Variants in SEMA3A observed in about 807,000 individuals in gnomAD.
The protein encoded by SEMA3A is semaphorin-3A.
SEMA3A carries 29 observed loss-of-function variants against 97.9 expected under a neutral mutation model. The ratio of observed to expected loss-of-function variants is 0.30; its 90% confidence interval spans 0.22 to 0.40. The LOEUF (loss-of-function observed/expected upper bound fraction) is 0.40. Ranked by LOEUF, SEMA3A falls within the 10% of genes least tolerant of loss-of-function variation. The pLI is 1.00. For synonymous variants in SEMA3A, 321 were observed against 323.7 expected (o/e 0.99, Z 0.09); for missense variants, 763 against 951.3 (o/e 0.80, Z 2.60).
chr7:84,031,651 T>A (rs1791761097), intron 6 of SEMA3A, among the ~76,000 whole-genome samples: 1 of 151,816 alleles, frequency 6.6e-6, no homozygotes, highest in African/African-American at 2.4e-5. Context: ...CTGACCAACA[T>A]GGAGAAACCC....
rs1309279457 is a variant in SEMA3A at position 83,957,951 on chromosome 7, T to A, written c.*3420A>T. On this transcript the variant is annotated 3_prime_UTR_variant, in exon 17 of 17. Coordinates refer to ENST00000265362, the MANE Select transcript of SEMA3A (RefSeq NM_006080.3). ...ATGGAAATTGTGTTTTAAAATGAGC[T>A]AATAAAACAAAGATTTTAACATATT... 6.6e-6 allele frequency: 1 copy of A among 152,002 alleles called. No individual in the cohort carries two copies. Among genetic ancestry groups the A allele is most frequent in the Non-Finnish European group, 1.5e-5 (1 of 67,944 alleles). The allele number at this position is 152,002 out of a possible 1,614,324, so 9.4% of individuals were successfully genotyped here. A position where few individuals can be genotyped will look rare whatever the true frequency, so the allele number is the denominator to read the frequency against.
intron 6 of SEMA3A, among the ~76,000 whole-genome samples, chr7:84,024,825 T>C (rs904319899): frequency 9.1e-4 from 139 of 152,244 alleles, no homozygotes; most frequent in African/African-American, 3.2e-3. Context: ...CGGTGGCTCA[T>C]GCCTGTAATC....
intron 3 of SEMA3A, among the ~76,000 whole-genome samples, chr7:84,226,197 T>C (rs1798987612): frequency 1.3e-5 from 2 of 152,034 alleles, no homozygotes; most frequent in African/African-American, 4.8e-5. Flanking sequence ...AGACATTCTG[T>C]CCCTAGAGAA....
At chr7:84,388,488 A>G (rs1803457886) in intron 1 of SEMA3A, among the ~76,000 whole-genome samples, 1 of 152,040 alleles carries the variant, frequency 6.6e-6, no homozygotes, top group Non-Finnish European at 1.5e-5. Context: ...ATTATTGAAT[A>G]AATTCTTTAA....
At position 83,961,214 on chromosome 7, in the gene SEMA3A, T is replaced by C. The variant is rs1170765816; in HGVS notation, c.*157A>G. ...AAAAGCCTATTAGGAAAGTTACTCATGGATTTAATTTATAATTGGTGGAAC... is the reference window on the plus strand; with the variant it reads ...AAAAGCCTATTAGGAAAGTTACTCACGGATTTAATTTATAATTGGTGGAAC... On this transcript the variant is annotated 3_prime_UTR_variant, in exon 17 of 17. Coordinates refer to ENST00000265362, the MANE Select transcript of SEMA3A (RefSeq NM_006080.3). The C allele has an allele frequency of 1.8e-5, 12 of 653,758 alleles. No individual in the cohort carries two copies. The highest frequency in any genetic ancestry group is 3.2e-5 in the Non-Finnish European group (12 of 374,536). The allele number at this position is 653,758 out of a possible 1,614,324, so 40.5% of individuals were successfully genotyped here.
intron 2 of SEMA3A, among the ~76,000 whole-genome samples, chr7:84,309,005 A>G (rs996162652): frequency 1.3e-5 from 2 of 151,792 alleles, no homozygotes; most frequent in Non-Finnish European, 2.9e-5. Context: ...TTTAGTATAG[A>G]CGGGGTTTCA....
At chr7:83,987,256 G>A (rs1282126262) in intron 12 of SEMA3A, among the ~76,000 whole-genome samples, 1 of 152,092 alleles carries the variant, frequency 6.6e-6, no homozygotes, top group East Asian at 1.9e-4. Context: ...TGAGAAGAAG[G>A]TGGAAAAAAA....
At chr7:84,372,622 C>T (rs1803001354) in intron 1 of SEMA3A, among the ~76,000 whole-genome samples, 1 of 152,040 alleles carries the variant, frequency 6.6e-6, no homozygotes, top group South Asian at 2.1e-4. Flanking sequence ...AGGACATAGG[C>T]AAAATCATTT....
intron 1 of SEMA3A, among the ~76,000 whole-genome samples, chr7:84,413,636 C>G (rs1804343111): frequency 6.6e-6 from 1 of 150,922 alleles, no homozygotes; most frequent in African/African-American, 2.4e-5. Context: ...ACCCTGTGTC[C>G]AAAACAAACA....
intron 1 of SEMA3A, among the ~76,000 whole-genome samples, chr7:84,470,510 G>A (rs1806118531): frequency 6.6e-6 from 1 of 152,092 alleles, no homozygotes; most frequent in Non-Finnish European, 1.5e-5. Context: ...GGAGAGTACA[G>A]ACTGTGCCTT....
intron 12 of SEMA3A, among the ~76,000 whole-genome samples, chr7:83,991,615 A>G (rs1338477469): frequency 4.6e-5 from 7 of 151,920 alleles, no homozygotes; most frequent in Admixed American, 4.6e-4. Context: ...TATATGCTGG[A>G]TTACATTTAT....
chr7:84,144,172 T>A (rs893798639), intron 1 of SEMA3A, among the ~76,000 whole-genome samples: 124 of 151,642 alleles, frequency 8.2e-4, no homozygotes, highest in African/African-American at 2.7e-3. Context: ...ATAATAATAA[T>A]AAATAAAGTG....
At chr7:84,246,068 CCA>C (rs1348098444) in intron 3 of SEMA3A, among the ~76,000 whole-genome samples, 1 of 152,182 alleles carries the variant, frequency 6.6e-6, no homozygotes, top group Non-Finnish European at 1.5e-5. Flanking sequence ...TGGGAGGAAT[CCA>C]GAGAGGCAGT....
At chr7:84,352,428 T>C (rs114836376) in intron 2 of SEMA3A, among the ~76,000 whole-genome samples, 2,546 of 151,976 alleles carry the variant, frequency 0.017, 77 homozygotes, top group African/African-American at 0.058. Context: ...CTTGAGGTCA[T>C]AGATACCCCA....
intron 1 of SEMA3A, among the ~76,000 whole-genome samples, chr7:84,465,292 T>A (rs1228214652): frequency 6.6e-6 from 1 of 152,144 alleles, no homozygotes; most frequent in Non-Finnish European, 1.5e-5. Flanking sequence ...TTGGCAAAGA[T>A]CCTCATTCAT....
At chr7:84,076,678 A>C (rs1178162315) in intron 4 of SEMA3A, among the ~76,000 whole-genome samples, 1 of 152,142 alleles carries the variant, frequency 6.6e-6, no homozygotes, top group Non-Finnish European at 1.5e-5. Context: ...AGGTAAATAG[A>C]ATGAATTAAC....
chr7:84,341,366 A>T (rs1218281398), intron 2 of SEMA3A, among the ~76,000 whole-genome samples: 2 of 152,184 alleles, frequency 1.3e-5, no homozygotes, highest in Non-Finnish European at 2.9e-5. Flanking sequence ...TCTTCAAAGA[A>T]TATTTCAGAG....
chr7:83,999,427 AAATAATT>A (rs1372046236), intron 12 of SEMA3A, among the ~76,000 whole-genome samples: 1 of 142,320 alleles, frequency 7.0e-6, no homozygotes, highest in Admixed American at 7.1e-5. Context: ...TCATATCAGA[AAATAATT>A]AAATAATAAA....
chr7:84,402,208 A>G (rs993544849), intron 1 of SEMA3A, among the ~76,000 whole-genome samples: 3 of 152,200 alleles, frequency 2.0e-5, no homozygotes, highest in African/African-American at 4.8e-5. Context: ...CTGGATAGAC[A>G]TTTCTTAAAA....
Sources: allele counts gnomAD v4.1 joint callset (sites outside exome capture counted in the v4.1 genomes callset), GRCh38; gene constraint gnomAD v4.1.1; transcripts MANE v1.5; gene names NCBI Gene and HGNC (gene_info 2026-07-23, HGNC 2026-07-21).